Variants in ANO4 observed in about 807,000 individuals in gnomAD.
The protein encoded by ANO4 is anoctamin-4.
A neutral mutation model predicts 141.9 loss-of-function variants in ANO4; 69 were observed. The observed-to-expected ratio is 0.49, with a 90% confidence interval of 0.40 to 0.59. ANO4 has a LOEUF of 0.59. Ranked by LOEUF, ANO4 falls within the 20% of genes least tolerant of loss-of-function variation. The probability of loss-of-function intolerance (pLI) is 0.00; values close to 1 mark genes in which losing one functional copy is unlikely to be tolerated. For synonymous variants in ANO4, 350 were observed against 394.3 expected (o/e 0.89, Z 1.33); for missense variants, 894 against 1,162.2 (o/e 0.77, Z 3.36).
At chr12:100,946,621 A>C (rs1460570608) in intron 5 of ANO4, among the ~76,000 whole-genome samples, 4 of 152,222 alleles carry the variant, frequency 2.6e-5, no homozygotes, top group Non-Finnish European at 5.9e-5. Flanking sequence ...GAGTAGGTCA[A>C]ATTGTAGACT....
intron 1 of ANO4, among the ~76,000 whole-genome samples, chr12:100,728,513 C>T (rs996596165): frequency 2.0e-5 from 3 of 152,264 alleles, no homozygotes; most frequent in South Asian, 2.1e-4. Flanking sequence ...TAAGACAAAC[C>T]TGGATTCTGA....
At position 100,827,024 on chromosome 12, in the gene ANO4, G is replaced by A. The variant is rs2036384244; in HGVS notation, c.-141+31997G>A. On this transcript the variant is annotated intron_variant, in intron 1 of 27. Transcript: ENST00000392977. ...TACTTATGTCCTTCTACTTCCCCAGGCCAACTTTTAAAGCCTGTTCTCTAT... is the reference window on the plus strand; with the variant it reads ...TACTTATGTCCTTCTACTTCCCCAGACCAACTTTTAAAGCCTGTTCTCTAT... Among the ~76,000 whole-genome samples, 4 of 151,844 alleles carry A rather than the reference G, an allele frequency of 2.6e-5. No homozygotes were observed. The South Asian group carries it at 8.3e-4, about 31-fold the overall frequency.
At chr12:101,082,393 G>A (rs557836040) in intron 15 of ANO4, among the ~76,000 whole-genome samples, 34 of 152,166 alleles carry the variant, frequency 2.2e-4, no homozygotes, top group African/African-American at 7.9e-4. Flanking sequence ...CTTCATAGCA[G>A]TATGAAAATG....
At chr12:100,949,578 C>A (rs2042886663) in intron 5 of ANO4, among the ~76,000 whole-genome samples, 1 of 152,066 alleles carries the variant, frequency 6.6e-6, no homozygotes, top group Non-Finnish European at 1.5e-5. Context: ...AACGTGTTAA[C>A]ACTTTTATTT....
In ANO4 at chr12:101,097,688, A is replaced by T; in HGVS notation, c.1888A>T (p.Asn630Tyr). ...CCCAGGTGCCTACTTGAGGCTGATA[A>T]ACAGGTGGAGACTAGAAGAGGTCTG... The part of the protein sequence containing the change: ...GHPGAYLRLI[N>Y]RWRLEECHPS... The change falls in exon 20 of 28, where the codon AAC becomes TAC. Residue 630 changes from asparagine to tyrosine, a missense_variant. By Grantham distance (143) the Asn-to-Tyr change is moderately radical. This residue lies in a region of ANO4 where 637 missense variants were observed against 909.2 expected (regional missense o/e 0.70). Transcript: ENST00000392977. 6.2e-7 allele frequency: 1 copy of T among 1,613,858 alleles called. No individual in the cohort carries two copies. Among genetic ancestry groups the T allele is most frequent in the Non-Finnish European group, 8.5e-7 (1 of 1,179,802 alleles).
intron 7 of ANO4, among the ~76,000 whole-genome samples, chr12:100,982,864 A>C (rs1163982579): frequency 6.6e-6 from 1 of 152,258 alleles, no homozygotes; most frequent in African/African-American, 2.4e-5. Flanking sequence ...AGATATTATC[A>C]CCCAAATCAC....
At chr12:100,983,264 C>A (rs2044563837) in intron 7 of ANO4, among the ~76,000 whole-genome samples, 3 of 152,150 alleles carry the variant, frequency 2.0e-5, no homozygotes, top group Non-Finnish European at 1.5e-5. Context: ...TAGCTGTTGC[C>A]AGGTCTTGAG....
At chr12:100,827,206 T>C (rs2036395921) in intron 1 of ANO4, among the ~76,000 whole-genome samples, 1 of 152,028 alleles carries the variant, frequency 6.6e-6, no homozygotes, top group South Asian at 2.1e-4. Context: ...TCATGTACCC[T>C]ATTTCAGCCA....
chr12:100,933,558 C>T (rs1011293563), intron 3 of ANO4, among the ~76,000 whole-genome samples: 9 of 152,124 alleles, frequency 5.9e-5, no homozygotes, highest in African/African-American at 1.9e-4. Context: ...TTTGCTATTG[C>T]AAATAGTGCC....
At chr12:100,881,786 A>T (rs1362602358) in intron 1 of ANO4, among the ~76,000 whole-genome samples, 1 of 152,232 alleles carries the variant, frequency 6.6e-6, no homozygotes, top group Non-Finnish European at 1.5e-5. Context: ...AGCAGTTGTC[A>T]TGGAAACTGT....
chr12:101,123,579 T>C lies in ANO4; in HGVS notation c.2676+2954T>C, dbSNP rs571186954. Among the ~76,000 whole-genome samples, 235 of 152,260 alleles carry C rather than the reference T, an allele frequency of 1.5e-3. 2 individuals are homozygous for C. The highest frequency in any genetic ancestry group is 2.6e-3 in the Non-Finnish European group (177 of 68,030). The stretch of plus-strand genomic sequence containing the variant: ...AGTGAGAACATGTGGTATTTGGTTT[T>C]CTGTTCCTTTGTCAGTTTGCTGAGG... On this transcript the variant is annotated intron_variant, in intron 26 of 27. Coordinates refer to ENST00000392977, the MANE Select transcript of ANO4 (RefSeq NM_001286615.2).
At chr12:101,002,727 C>T (rs1386901110) in intron 8 of ANO4, among the ~76,000 whole-genome samples, 1 of 152,172 alleles carries the variant, frequency 6.6e-6, no homozygotes, top group Admixed American at 6.5e-5. Flanking sequence ...TCTGTAAATG[C>T]TTTAATTATG....
At position 100,865,855 on chromosome 12, in the gene ANO4, A is replaced by G. The variant is rs557739110; in HGVS notation, c.-140-35791A>G. Reference sequence around the variant, plus strand: ...AAATGAAGCTCTGTTTATCTCCCCCAGGTCTGAAAAAGGTTGGGGGAGGAG... The same window carrying G: ...AAATGAAGCTCTGTTTATCTCCCCCGGGTCTGAAAAAGGTTGGGGGAGGAG... On this transcript the variant is annotated intron_variant, in intron 1 of 27. Coordinates refer to ENST00000392977, the MANE Select transcript of ANO4 (RefSeq NM_001286615.2). 1.3e-3 allele frequency among the ~76,000 whole-genome samples: 196 copies of G among 152,300 alleles called. 2 individuals carry two copies. Among genetic ancestry groups the G allele is most frequent in the African/African-American group, 4.6e-3 (192 of 41,568 alleles).
chr12:100,749,403 A>G (rs933789859), intron 3 of ANO4, among the ~76,000 whole-genome samples: 5 of 152,238 alleles, frequency 3.3e-5, no homozygotes, highest in African/African-American at 1.2e-4. Context: ...CATTTTGACA[A>G]GAGCATTGGC....
intron 8 of ANO4, among the ~76,000 whole-genome samples, chr12:101,000,921 C>T (rs952976668): frequency 6.6e-6 from 1 of 152,168 alleles, no homozygotes; most frequent in Non-Finnish European, 1.5e-5. Context: ...TCTGTAAATA[C>T]ATAGTTTGTT....
intron 21 of ANO4, among the ~76,000 whole-genome samples, 158 bp from the exon 22 acceptor site, chr12:101,099,420 C>G (rs1394176552): frequency 6.6e-6 from 1 of 152,146 alleles, no homozygotes; most frequent in Non-Finnish European, 1.5e-5. Flanking sequence ...AGTATAGACT[C>G]CATTGTTATT....
chr12:100,832,859 T>G (rs2036701251), intron 1 of ANO4, among the ~76,000 whole-genome samples: 1 of 152,098 alleles, frequency 6.6e-6, no homozygotes, highest in Non-Finnish European at 1.5e-5. Flanking sequence ...GTTTCAATCA[T>G]TAGTTTCTTT....
intron 1 of ANO4, among the ~76,000 whole-genome samples, chr12:100,723,215 T>C (rs1442028894): frequency 6.6e-6 from 1 of 152,254 alleles, no homozygotes; most frequent in Non-Finnish European, 1.5e-5. Flanking sequence ...TAAAACGTTA[T>C]GTTTTTTTGT....
At position 101,128,543 on chromosome 12, in the gene ANO4, C is replaced by T. The variant is rs1307829984; in HGVS notation, c.*687C>T. The T allele has an allele frequency of 1.3e-5, 2 of 152,572 alleles. No individual in the cohort carries two copies. The highest frequency in any genetic ancestry group is 2.9e-5 in the Non-Finnish European group (2 of 68,030). The allele number at this position is 152,572 out of a possible 1,614,324, so 9.5% of individuals were successfully genotyped here. On this transcript the variant is annotated 3_prime_UTR_variant, in exon 28 of 28. Transcript: ENST00000392977. ...AAGTACTGACATGAGTGAATTTTCA[C>T]ATTTAAATAGTCATCAATATGAAGC...
Sources: gnomAD v4.1 joint callset for allele counts (sites outside exome capture counted in the v4.1 genomes callset) on GRCh38, gnomAD v4.1.1 for gene constraint, gnomAD v4.1.1 regional missense constraint, MANE v1.5 for transcripts, NCBI Gene and HGNC (gene_info 2026-07-23, HGNC 2026-07-21) for gene names.